Variants in SOX9 observed in about 807,000 individuals in gnomAD.
SOX9 encodes transcription factor SOX-9.
In SOX9, 2 loss-of-function variants were observed where a neutral mutation model predicts 44.8. The observed-to-expected ratio is 0.04, with a 90% CI of 0.02 to 0.14. The LOEUF is 0.14. SOX9 is among the 10% of genes least tolerant of loss of function. SOX9 has a pLI of 1.00. For synonymous variants in SOX9, 381 were observed against 331.8 expected, an observed-to-expected ratio of 1.15 and a Z score of -1.61; for missense variants, 583 against 728.6, an observed-to-expected ratio of 0.80 and a Z score of 2.30.
rs1908248226 is a variant in SOX9, at chr17:72,125,280, A to G, written c.*893A>G. ...GGAAACATTTGCACTCTTTTAGTGCATTTCCTCCTGCCTTTGCTTGTTCAC... is the reference window on the plus strand; with the variant it reads ...GGAAACATTTGCACTCTTTTAGTGCGTTTCCTCCTGCCTTTGCTTGTTCAC... On this transcript the variant is annotated 3_prime_UTR_variant, in exon 3 of 3. Coordinates refer to ENST00000245479, the MANE Select transcript of SOX9 (RefSeq NM_000346.4). 8.7e-6 allele frequency: 2 copies of G among 228,744 alleles called. No individual in the cohort carries two copies. Among genetic ancestry groups the G allele is most frequent in the African/African-American group, 4.4e-5 (2 of 45,042 alleles). The allele number at this position is 228,744 out of a possible 1,614,324, so 14.2% of individuals were successfully genotyped here.
Position 72,124,629 on chromosome 17 carries a change from A to G in SOX9, c.*242A>G, listed in dbSNP as rs1418861035. 13 of 596,322 alleles carry G rather than the reference A, an allele frequency of 2.2e-5. No homozygotes were observed. Among genetic ancestry groups the G allele is most frequent in the Admixed American group, 5.7e-5 (2 of 35,392 alleles). The allele number at this position is 596,322 out of a possible 1,614,324, so 36.9% of individuals were successfully genotyped here. A position where few individuals can be genotyped will look rare whatever the true frequency, so the allele number is the denominator to read the frequency against. ...ACCCACTTGTGGCCAATCAGTGGCC[A>G]GGCCAACCTTGGCTAAATGGAGCAG... On this transcript the variant is annotated 3_prime_UTR_variant, in exon 3 of 3. Transcript: ENST00000245479. This position sits in a 1 kb window ranked among gnomAD's most constrained non-coding sequence, Gnocchi z 4.6.
In SOX9 at chr17:72,121,236, T is replaced by C; in HGVS notation, c.-156T>C. 1 of 680,064 alleles carries C rather than the reference T, an allele frequency of 1.5e-6. No individual in the cohort carries two copies. The highest frequency in any genetic ancestry group is 1.8e-5 in the South Asian group (1 of 54,152). The allele number at this position is 680,064 out of a possible 1,614,324, so 42.1% of individuals were successfully genotyped here. ...ACTGGCCACCCCGCGCCTTCCTAAG[T>C]GCTCGCCGCGGTAGCCGGCCGACGC... is the stretch of plus-strand genomic sequence containing the variant. On this transcript the variant is annotated 5_prime_UTR_variant, in exon 1 of 3. Transcript: ENST00000245479. The surrounding 1 kb of genome is among the most constrained non-coding windows in gnomAD (Gnocchi z 8.3).
In SOX9 at chr17:72,124,304, A is replaced by T. The variant is rs2143258214; in HGVS notation, c.1447A>T (p.Thr483Ser). Residue 483 changes from threonine to serine, a missense_variant, in exon 3 of 3, where the codon ACC (threonine) becomes TCC (serine). Physicochemically the swap from Thr to Ser is moderately conservative, Grantham distance 58. Coordinates refer to ENST00000245479, the MANE Select transcript of SOX9 (RefSeq NM_000346.4). The surrounding 1 kb of genome is among the most constrained non-coding windows in gnomAD (Gnocchi z 4.6). The stretch of plus-strand genomic sequence containing the variant: ...CCCCATGTACACCCCCATCGCCGAC[A>T]CCTCTGGGGTCCCTTCCATCCCGCA... The part of the protein sequence containing the change: ...QRPMYTPIAD[T>S]SGVPSIPQTH... 1 of 1,607,498 alleles carries T rather than the reference A, an allele frequency of 6.2e-7. No homozygotes were observed. The highest frequency in any genetic ancestry group is 8.5e-7 in the Non-Finnish European group (1 of 1,179,872).
In SOX9 at chr17:72,123,849, C is replaced by T. The variant is rs751049318; in HGVS notation, c.992C>T (p.Ala331Val). The change falls in exon 3 of 3, where the codon GCG becomes GTG. Residue 331 changes from alanine to valine, a missense_variant. By Grantham distance (64) the Ala-to-Val change is moderately conservative (BLOSUM62 0). Around this residue, in one of 7 missense-constraint regions of SOX9, gnomAD observed 349 missense variants for 387.0 expected, o/e 0.90. Transcript: ENST00000245479. The surrounding 1 kb of genome is among the most constrained non-coding windows in gnomAD (Gnocchi z 6.5). The part of the protein sequence containing the change: ...ISSTAATPAS[A>V]GHVWMSKQQA... ...AGCACCGCGGCCACCCCGGCGAGCG[C>T]GGGCCACGTGTGGATGTCCAAGCAG... 66 of 1,593,154 alleles carry T rather than the reference C, an allele frequency of 4.1e-5. No homozygotes were observed. The highest frequency in any genetic ancestry group is 5.1e-6 in the Non-Finnish European group (6 of 1,171,486).
chr17:72,124,422 T>A lies in SOX9; in HGVS notation c.*35T>A, dbSNP rs1316132302. 2 of 1,598,520 alleles carry A rather than the reference T, an allele frequency of 1.3e-6. No homozygotes were observed. Among genetic ancestry groups the A allele is most frequent in the South Asian group, 2.2e-5 (2 of 91,068 alleles). On this transcript the variant is annotated 3_prime_UTR_variant, in exon 3 of 3. Coordinates refer to ENST00000245479, the MANE Select transcript of SOX9 (RefSeq NM_000346.4). This position sits in a 1 kb window ranked among gnomAD's most constrained non-coding sequence, Gnocchi z 4.6. ...CCACGAAGGGCGAAGATGGCCGAGA[T>A]GATCCTAAAAATAACCGAAGAAAGA...
Position 72,123,028 on chromosome 17 carries a change from C to T in SOX9, c.685+56C>T, listed in dbSNP as rs1429368226. On this transcript the variant is annotated intron_variant, in intron 2 of 2. Transcript: ENST00000245479. The surrounding 1 kb of genome is among the most constrained non-coding windows in gnomAD (Gnocchi z 6.5). ...CTATCTCCGTCCCGCCTGGCACACC[C>T]CCTGCCCTCCGCCTGGGAGATTCTT... 3 of 1,595,500 alleles carry T rather than the reference C, an allele frequency of 1.9e-6. No individual in the cohort carries two copies. In the East Asian group the frequency reaches 6.7e-5, roughly 36 times the overall value.
In SOX9 at chr17:72,124,437, C is replaced by T. The variant is rs544988954; in HGVS notation, c.*50C>T. ...ATGGCCGAGATGATCCTAAAAATAA[C>T]CGAAGAAAGAGAGGACCAACCAGAA... On this transcript the variant is annotated 3_prime_UTR_variant, in exon 3 of 3. Coordinates refer to ENST00000245479, the MANE Select transcript of SOX9 (RefSeq NM_000346.4). This position sits in a 1 kb window ranked among gnomAD's most constrained non-coding sequence, Gnocchi z 4.6. The T allele has an allele frequency of 2.5e-6, 4 of 1,593,324 alleles. No individual in the cohort carries two copies. Among genetic ancestry groups the T allele is most frequent in the East Asian group, 2.2e-5 (1 of 44,846 alleles).
chr17:72,125,541 AC>A lies in SOX9; in HGVS notation c.*1155del. On this transcript the variant is annotated 3_prime_UTR_variant, in exon 3 of 3. Coordinates refer to ENST00000245479, the MANE Select transcript of SOX9 (RefSeq NM_000346.4). ...TTTGTAAGGAGAGGTTTTAATTAAA[AC>A]AAAAAAAAATTCTTTTTTTTTTTTT... 1 of 223,866 alleles carries A rather than the reference AC, an allele frequency of 4.5e-6. No homozygotes were observed. 13.9% of individuals were successfully genotyped at this position (223,866 alleles called of 1,614,324 possible).
rs1159617588 is a variant in SOX9, at chr17:72,122,708, G to C, written c.432-11G>C. The C allele has an allele frequency of 6.2e-7, 1 of 1,613,306 alleles. No individual in the cohort carries two copies. Among genetic ancestry groups the C allele is most frequent in the Non-Finnish European group, 8.5e-7 (1 of 1,179,692 alleles). On this transcript the variant is annotated splice_polypyrimidine_tract_variant and intron_variant, in intron 1 of 2. Coordinates refer to ENST00000245479, the MANE Select transcript of SOX9 (RefSeq NM_000346.4). ...TCTTTTTCTCTGTGCCCCCCGCCCC[G>C]CCCCGAGCAGACTTCTGAACGAGAG...
At position 72,125,131 on chromosome 17, in the gene SOX9, AT is replaced by A. The variant is rs1365110902; in HGVS notation, c.*745del. On this transcript the variant is annotated 3_prime_UTR_variant, in exon 3 of 3. Coordinates refer to ENST00000245479, the MANE Select transcript of SOX9 (RefSeq NM_000346.4). ...TAAGGAGGAGCTGCCTTAAAAAAAA[AT>A]AAAGGCCTTATTTTGCAATTATGGG... 8.8e-5 allele frequency: 20 copies of A among 226,870 alleles called. No homozygotes were observed. The highest frequency in any genetic ancestry group is 1.6e-4 in the African/African-American group (7 of 44,962). 14.1% of individuals were successfully genotyped at this position (226,870 alleles called of 1,614,324 possible). A position where few individuals can be genotyped will look rare whatever the true frequency, so the allele number is the denominator to read the frequency against.
In SOX9 at chr17:72,121,359, C is replaced by G; in HGVS notation, c.-33C>G. Reference sequence around the variant, plus strand: ...CGAGCCGCCGCGGCTTCTCGCCTTTCCCGGCCACCAGCCCCCTGCCCCGGG... The same window carrying G: ...CGAGCCGCCGCGGCTTCTCGCCTTTGCCGGCCACCAGCCCCCTGCCCCGGG... On this transcript the variant is annotated 5_prime_UTR_variant, in exon 1 of 3. Coordinates refer to ENST00000245479, the MANE Select transcript of SOX9 (RefSeq NM_000346.4). This position sits in a 1 kb window ranked among gnomAD's most constrained non-coding sequence, Gnocchi z 8.3. The G allele has an allele frequency of 6.2e-7, 1 of 1,602,070 alleles. No individual in the cohort carries two copies. The highest frequency in any genetic ancestry group is 8.5e-7 in the Non-Finnish European group (1 of 1,171,486).
chr17:72,121,270 CCCCGGGAGCCGCTTG>C lies in SOX9; in HGVS notation c.-120_-106del. ...CGGTAGCCGGCCGACGCGCCAGCTT[CCCCGGGAGCCGCTTG>C]CTCCGCATCCGGGCAGCCGAGGGGA... On this transcript the variant is annotated 5_prime_UTR_variant, in exon 1 of 3. Coordinates refer to ENST00000245479, the MANE Select transcript of SOX9 (RefSeq NM_000346.4). This position sits in a 1 kb window ranked among gnomAD's most constrained non-coding sequence, Gnocchi z 8.3. The C allele has an allele frequency of 2.2e-6, 2 of 895,160 alleles. No homozygotes were observed. The highest frequency in any genetic ancestry group is 1.6e-5 in the South Asian group (1 of 62,386). 55.5% of individuals were successfully genotyped at this position (895,160 alleles called of 1,614,324 possible). A position where few individuals can be genotyped will look rare whatever the true frequency, so the allele number is the denominator to read the frequency against.
At position 72,121,805 on chromosome 17, in the gene SOX9, G is replaced by T. The variant is rs1212845987; in HGVS notation, c.414G>T (p.Thr138=). ...TGCACAACGCCGAGCTCAGCAAGAC[G>T]CTGGGCAAGCTCTGGAGGTAGGACC... ...PHLHNAELSK[T]LGKLWRLLNE... The change falls in exon 1 of 3, where the codon ACG becomes ACT. Residue 138 remains threonine (T), a synonymous_variant. Coordinates refer to ENST00000245479, the MANE Select transcript of SOX9 (RefSeq NM_000346.4). The surrounding 1 kb of genome is among the most constrained non-coding windows in gnomAD (Gnocchi z 8.3). The T allele has an allele frequency of 1.9e-6, 3 of 1,585,540 alleles. No homozygotes were observed. Among genetic ancestry groups the T allele is most frequent in the African/African-American group, 1.3e-5 (1 of 74,520 alleles).
Position 72,121,060 on chromosome 17 carries a change from A to G in SOX9, c.-332A>G, listed in dbSNP as rs567732984. 1.7e-5 allele frequency: 9 copies of G among 542,792 alleles called. No homozygotes were observed. The highest frequency in any genetic ancestry group is 1.6e-4 in the East Asian group (5 of 31,564). The allele number at this position is 542,792 out of a possible 1,614,324, so 33.6% of individuals were successfully genotyped here. A position where few individuals can be genotyped will look rare whatever the true frequency, so the allele number is the denominator to read the frequency against. On this transcript the variant is annotated 5_prime_UTR_variant, in exon 1 of 3. Transcript: ENST00000245479. This position sits in a 1 kb window ranked among gnomAD's most constrained non-coding sequence, Gnocchi z 8.3. ...GAGCTCGAAACTGACTGGAAACTTC[A>G]GTGGCGCGGAGACTCGCCAGTTTCA...
At position 72,124,177 on chromosome 17, in the gene SOX9, C is replaced by T. The variant is rs80338688; in HGVS notation, c.1320C>T (p.Tyr440=). ...ACCCGCCCATCACCCGCTCACAGTA[C>T]GACTACACCGACCACCAGAACTCCA... ...PSYPPITRSQ[Y]DYTDHQNSSS... is the part of the protein sequence containing the mutation. The change falls in exon 3 of 3, where the codon TAC becomes TAT. Residue 440 remains tyrosine (Y), a synonymous_variant. Transcript: ENST00000245479. The surrounding 1 kb of genome is among the most constrained non-coding windows in gnomAD (Gnocchi z 4.6). The T allele has an allele frequency of 3.0e-4, 490 of 1,613,884 alleles. 2 individuals carry two copies. Among genetic ancestry groups the T allele is most frequent in the Middle Eastern group, 2.8e-3 (17 of 6,062 alleles).
Position 72,123,564 on chromosome 17 carries a change from C to A in SOX9, c.707C>A (p.Thr236Asn). 1 of 1,614,010 alleles carries A rather than the reference C, an allele frequency of 6.2e-7. No individual in the cohort carries two copies. ...EHSGQSQGPPTPPTTPKTDVQ... is the reference protein window; with the variant it reads ...EHSGQSQGPPNPPTTPKTDVQ... ...ACAGGGCAATCCCAGGGCCCACCGA[C>A]CCCACCCACCACCCCCAAAACCGAC... The change falls in exon 3 of 3, where the codon ACC becomes AAC. Residue 236 changes from threonine to asparagine, a missense_variant. This residue lies in a region of SOX9 where 5 missense variants were observed against 22.4 expected (regional missense o/e 0.22). Coordinates refer to ENST00000245479, the MANE Select transcript of SOX9 (RefSeq NM_000346.4). This position sits in a 1 kb window ranked among gnomAD's most constrained non-coding sequence, Gnocchi z 6.5.
Position 72,122,728 on chromosome 17 carries a change from C to T in SOX9, c.441C>T (p.Asn147=), listed in dbSNP as rs200906477. 3.8e-5 allele frequency: 62 copies of T among 1,613,826 alleles called. No homozygotes were observed. The highest frequency in any genetic ancestry group is 4.7e-5 in the Non-Finnish European group (56 of 1,179,984). ...KTLGKLWRLL[N]ESEKRPFVEE... ...GCCCCGCCCCGAGCAGACTTCTGAACGAGAGCGAGAAGCGGCCCTTCGTGG... is the reference window on the plus strand; with the variant it reads ...GCCCCGCCCCGAGCAGACTTCTGAATGAGAGCGAGAAGCGGCCCTTCGTGG... Residue 147 remains asparagine (N), a synonymous_variant, in exon 2 of 3, where the codon AAC becomes AAT. Coordinates refer to ENST00000245479, the MANE Select transcript of SOX9 (RefSeq NM_000346.4).
rs982431612 is a variant in SOX9 at position 72,125,131 on chromosome 17, A to T, written c.*744A>T. On this transcript the variant is annotated 3_prime_UTR_variant, in exon 3 of 3. Transcript: ENST00000245479. The stretch of plus-strand genomic sequence containing the variant: ...TAAGGAGGAGCTGCCTTAAAAAAAA[A>T]TAAAGGCCTTATTTTGCAATTATGG... The T allele has an allele frequency of 8.8e-6, 2 of 226,870 alleles. No homozygotes were observed. The highest frequency in any genetic ancestry group is 1.8e-5 in the Non-Finnish European group (2 of 114,044). 14.1% of individuals were successfully genotyped at this position (226,870 alleles called of 1,614,324 possible). A position where few individuals can be genotyped will look rare whatever the true frequency, so the allele number is the denominator to read the frequency against.
In SOX9 at chr17:72,121,883, A is replaced by G. The variant is rs2143241860; in HGVS notation, c.431+61A>G. 1 of 1,469,446 alleles carries G rather than the reference A, an allele frequency of 6.8e-7. No individual in the cohort carries two copies. Among genetic ancestry groups the G allele is most frequent in the Non-Finnish European group, 9.0e-7 (1 of 1,111,804 alleles). The allele number at this position is 1,469,446 out of a possible 1,614,324, so 91.0% of individuals were successfully genotyped here. On this transcript the variant is annotated intron_variant, in intron 1 of 2. Transcript: ENST00000245479. This position sits in a 1 kb window ranked among gnomAD's most constrained non-coding sequence, Gnocchi z 8.3. Reference sequence around the variant, plus strand: ...ATCGCGGCGGCTGGGGGCGCTGGTCAGGGCTGATTTGCCCCGCCCCGCCTC... The same window carrying G: ...ATCGCGGCGGCTGGGGGCGCTGGTCGGGGCTGATTTGCCCCGCCCCGCCTC...
Sources: allele counts gnomAD v4.1 joint callset, GRCh38; gene constraint gnomAD v4.1.1; regional missense constraint gnomAD v4.1.1; non-coding constraint Gnocchi (gnomAD v3.1); transcripts MANE v1.5; gene names NCBI Gene and HGNC (gene_info 2026-07-23, HGNC 2026-07-21).